The following NCS1 variants were observed in gnomAD, a reference collection of about 807,000 sequenced individuals.
NCS1 encodes the protein neuronal calcium sensor 1, also known as frequenin homolog.
NCS1 carries 6 observed loss-of-function variants against 28.4 expected under a neutral mutation model. That is an observed-to-expected ratio of 0.21 (90% CI 0.12 to 0.42). The LOEUF is 0.42. Ranked by LOEUF, NCS1 falls within the 10% of genes least tolerant of loss-of-function variation. The pLI is 1.00. For missense variants in NCS1, 131 were observed against 241.4 expected (o/e 0.54, Z 3.03); for synonymous variants, 86 against 99.3 (o/e 0.87, Z 0.79).
intron 4 of NCS1, among the ~76,000 whole-genome samples, chr9:130,221,403 TATATATATATAGAGAGAGAG>T (rs1381650707): frequency 7.8e-4 from 33 of 42,282 alleles, no homozygotes; most frequent in East Asian, 2.3e-3. Flanking sequence ...TATATATATA[TATATATATATAGAGAGAGAG>T]AGAGAGAGAG....
intron 2 of NCS1, among the ~76,000 whole-genome samples, chr9:130,208,676 C>T (rs547475083): frequency 2.6e-5 from 4 of 152,350 alleles, no homozygotes; most frequent in South Asian, 2.1e-4. Context: ...CGCATCAACA[C>T]GGCCAGCTGT....
In NCS1 at chr9:130,180,473, T is replaced by C. The variant is rs1255074145; in HGVS notation, c.64+7746T>C. On this transcript the variant is annotated intron_variant, in intron 1 of 7. Transcript: ENST00000372398. This position sits in a 1 kb window ranked among gnomAD's most constrained non-coding sequence, Gnocchi z 4.5. ...TTATGGTCATAACAAGATGAATCAA[T>C]TTTCACATTCTGTGTGTGATCTATT... Among the ~76,000 whole-genome samples, 4 of 152,196 alleles carry C rather than the reference T, an allele frequency of 2.6e-5. No individual in the cohort carries two copies. The highest frequency in any genetic ancestry group is 2.1e-4 in the South Asian group (1 of 4,834).
chr9:130,188,641 C>T (rs1475303479), intron 1 of NCS1, among the ~76,000 whole-genome samples: 4 of 152,040 alleles, frequency 2.6e-5, no homozygotes, highest in African/African-American at 9.7e-5. Flanking sequence ...CTCCCGACCT[C>T]AGGTGATTCA....
intron 1 of NCS1, among the ~76,000 whole-genome samples, chr9:130,188,115 A>G (rs1554905834): frequency 6.6e-6 from 1 of 152,230 alleles, no homozygotes; most frequent in East Asian, 1.9e-4. Flanking sequence ...GGGTGCTGTG[A>G]CACCTATATT....
chr9:130,222,576 A>T (rs1554910719), intron 4 of NCS1, 74 bp from the exon 5 acceptor site: 2 of 1,251,108 alleles, frequency 1.6e-6, no homozygotes, highest in African/African-American at 3.0e-5. Flanking sequence ...TGGGGTACAG[A>T]GAGGAGGGGC....
At chr9:130,223,209 G>A (rs1554910869) in intron 6 of NCS1, 50 bp downstream of exon 6, 1 of 1,565,636 alleles carries the variant, frequency 6.4e-7, no homozygotes, top group Non-Finnish European at 8.8e-7. Flanking sequence ...CAAGGTGTCG[G>A]GGGCAGGAAT....
At chr9:130,206,116 G>A (rs1359152569) in intron 2 of NCS1, among the ~76,000 whole-genome samples, 2 of 152,190 alleles carry the variant, frequency 1.3e-5, no homozygotes, top group East Asian at 3.9e-4. Context: ...ATCAGTAATG[G>A]ATTACAGAGT....
Position 130,232,081 on chromosome 9 carries a change from G to A in NCS1, c.*18-909G>A, listed in dbSNP as rs1400471561. Among the ~76,000 whole-genome samples, 1 of 152,068 alleles carries A rather than the reference G, an allele frequency of 6.6e-6. No homozygotes were observed. The stretch of plus-strand genomic sequence containing the variant: ...CCTGTCTGAGCCTCCCAAGCAGCTG[G>A]AATTATAGGTGTGCGCAGCCACGTC... On this transcript the variant is annotated intron_variant, in intron 7 of 7. Coordinates refer to ENST00000372398, the MANE Select transcript of NCS1 (RefSeq NM_014286.4). The surrounding 1 kb of genome is among the most constrained non-coding windows in gnomAD (Gnocchi z 4.4).
chr9:130,232,011 A>G lies in NCS1; in HGVS notation c.*18-979A>G, dbSNP rs1267523349. 1.3e-5 allele frequency among the ~76,000 whole-genome samples: 2 copies of G among 152,000 alleles called. No homozygotes were observed. The highest frequency in any genetic ancestry group is 2.9e-5 in the Non-Finnish European group (2 of 68,010). Reference sequence around the variant, plus strand: ...TCCCAGGCTGGAGTGCAGTGATGCAATCTCGGCTCACTGCAACCTCTGCCT... The same window carrying G: ...TCCCAGGCTGGAGTGCAGTGATGCAGTCTCGGCTCACTGCAACCTCTGCCT... On this transcript the variant is annotated intron_variant, in intron 7 of 7. Transcript: ENST00000372398. This position sits in a 1 kb window ranked among gnomAD's most constrained non-coding sequence, Gnocchi z 4.4.
chr9:130,223,321 A>T (rs147273268), intron 6 of NCS1, among the ~76,000 whole-genome samples, 162 bp downstream of exon 6: 1 of 151,702 alleles, frequency 6.6e-6, no homozygotes, highest in African/African-American at 2.4e-5. Context: ...AGCCCCATCC[A>T]GTGTCCAGAG....
chr9:130,188,036 C>T (rs1261490780), intron 1 of NCS1, among the ~76,000 whole-genome samples: 8 of 152,220 alleles, frequency 5.3e-5, no homozygotes, highest in South Asian at 4.1e-4. Context: ...GTGGCCTGCT[C>T]GGCCTCTTGC....
In NCS1 at chr9:130,234,758, A is replaced by G. The variant is rs74914651; in HGVS notation, c.*1786A>G. 2,845 of 152,326 alleles carry G rather than the reference A, an allele frequency of 0.019. 84 individuals are homozygous for G. The highest frequency in any genetic ancestry group is 0.064 in the African/African-American group (2,651 of 41,520). 9.4% of individuals were successfully genotyped at this position (152,326 alleles called of 1,614,324 possible). A position where few individuals can be genotyped will look rare whatever the true frequency, so the allele number is the denominator to read the frequency against. On this transcript the variant is annotated 3_prime_UTR_variant, in exon 8 of 8. Transcript: ENST00000372398. This position sits in a 1 kb window ranked among gnomAD's most constrained non-coding sequence, Gnocchi z 6.1. ...GGCACACCTTGTCCCTTCCCGCAGC[A>G]TTTCCTGGTTCCCCCCAGACCCTTG...
At chr9:130,214,165 C>T (rs573589451) in intron 2 of NCS1, among the ~76,000 whole-genome samples, 5 of 152,294 alleles carry the variant, frequency 3.3e-5, no homozygotes, top group African/African-American at 4.8e-5. Context: ...TATGGTATAG[C>T]GTGGTACAGG....
rs1390917295 is a variant in NCS1 at position 130,177,682 on chromosome 9, G to C, written c.64+4955G>C. ...GCGGTGCGGGGCTGGGTCCTCACTC[G>C]GCCTTGGTGACCTTGGGGAAGTCCC... is the stretch of plus-strand genomic sequence containing the variant. On this transcript the variant is annotated intron_variant, in intron 1 of 7. Coordinates refer to ENST00000372398, the MANE Select transcript of NCS1 (RefSeq NM_014286.4). The surrounding 1 kb of genome is among the most constrained non-coding windows in gnomAD (Gnocchi z 4.4). Among the ~76,000 whole-genome samples the C allele has an allele frequency of 6.6e-6, 1 of 152,216 alleles. No homozygotes were observed. Among genetic ancestry groups the C allele is most frequent in the Non-Finnish European group, 1.5e-5 (1 of 68,046 alleles).
chr9:130,213,085 G>A (rs60223726), intron 2 of NCS1, among the ~76,000 whole-genome samples: 9 of 152,188 alleles, frequency 5.9e-5, no homozygotes, highest in Non-Finnish European at 8.8e-5. Flanking sequence ...TTACCCATGC[G>A]CTTACACGGG....
At chr9:130,218,183 A>G (rs577718159) in intron 3 of NCS1, among the ~76,000 whole-genome samples, 1 of 152,380 alleles carries the variant, frequency 6.6e-6, no homozygotes, top group African/African-American at 2.4e-5. Flanking sequence ...ATCCAAATGC[A>G]TGCACATGTG....
Position 130,192,390 on chromosome 9 carries a change from C to T in NCS1, c.65-8568C>T, listed in dbSNP as rs1832826598. Among the ~76,000 whole-genome samples, 2 of 152,156 alleles carry T rather than the reference C, an allele frequency of 1.3e-5. No homozygotes were observed. Among genetic ancestry groups the T allele is most frequent in the Admixed American group, 6.5e-5 (1 of 15,294 alleles). ...CACGTTGTCTGGCCCAGAGCCTGTG[C>T]CCACCTTCCTGTCCTCACTCCAGCC... On this transcript the variant is annotated intron_variant, in intron 1 of 7. Transcript: ENST00000372398. The surrounding 1 kb of genome is among the most constrained non-coding windows in gnomAD (Gnocchi z 4.8).
rs563223902 is a variant in NCS1 at position 130,237,169 on chromosome 9, G to T, written c.*4197G>T. 204 of 152,432 alleles carry T rather than the reference G, an allele frequency of 1.3e-3. No individual in the cohort carries two copies. Among genetic ancestry groups the T allele is most frequent in the Non-Finnish European group, 2.4e-3 (161 of 68,162 alleles). The allele number at this position is 152,432 out of a possible 1,614,324, so 9.4% of individuals were successfully genotyped here. On this transcript the variant is annotated 3_prime_UTR_variant, in exon 8 of 8. Coordinates refer to ENST00000372398, the MANE Select transcript of NCS1 (RefSeq NM_014286.4). The stretch of plus-strand genomic sequence containing the variant: ...CCGTCCTGTCTGAACCTGCCGGTGT[G>T]TGTCTCTGGGGCCAGGGTCAGGGCG...
chr9:130,233,567 A>ATT lies in NCS1; in HGVS notation c.*602_*603dup, dbSNP rs200691020. The ATT allele has an allele frequency of 1.3e-5, 2 of 152,004 alleles. No individual in the cohort carries two copies. Among genetic ancestry groups the ATT allele is most frequent in the African/African-American group, 2.4e-5 (1 of 41,244 alleles). The allele number at this position is 152,004 out of a possible 1,614,324, so 9.4% of individuals were successfully genotyped here. On this transcript the variant is annotated 3_prime_UTR_variant, in exon 8 of 8. Transcript: ENST00000372398. The surrounding 1 kb of genome is among the most constrained non-coding windows in gnomAD (Gnocchi z 4.8). ...AGGATGATTAATTATGAGGATGATGATTTTTTTTGTGATAACAGTATTGTG... is the reference window on the plus strand; with the variant it reads ...AGGATGATTAATTATGAGGATGATGATTTTTTTTTTGTGATAACAGTATTGTG...
Sources: gnomAD v4.1 joint callset for allele counts (sites outside exome capture counted in the v4.1 genomes callset) on GRCh38, gnomAD v4.1.1 for gene constraint, Gnocchi (gnomAD v3.1) non-coding constraint, MANE v1.5 for transcripts, NCBI Gene and HGNC (gene_info 2026-07-23, HGNC 2026-07-21) for gene names.